WWC1: variants seen among roughly 807,000 people sequenced by gnomAD.
WWC1 encodes WW and C2 domain containing 1.
WWC1 carries 55 observed loss-of-function variants against 138.4 expected under a neutral mutation model. That is an observed-to-expected ratio of 0.40 (90% CI 0.32 to 0.50). The LOEUF is 0.50. Among genes scored for constraint, WWC1 ranks in the 20% least tolerant of loss-of-function variants. WWC1 has a pLI of 0.72. For synonymous variants in WWC1, 524 were observed against 564.9 expected (o/e 0.93, Z 1.03); for missense variants, 1,226 against 1,420.4 (o/e 0.86, Z 2.20).
At chr5:168,366,480 C>A (rs1247684336) in intron 1 of WWC1, among the ~76,000 whole-genome samples, 1 of 152,186 alleles carries the variant, frequency 6.6e-6, no homozygotes, top group Non-Finnish European at 1.5e-5. Flanking sequence ...TTTCTCTCTC[C>A]TTTGCCCTCT....
chr5:168,387,978 C>G (rs759628829), intron 3 of WWC1, among the ~76,000 whole-genome samples: 53 of 152,008 alleles, frequency 3.5e-4, no homozygotes, highest in Non-Finnish European at 6.8e-4. Context: ...AAAAACAAAC[C>G]TTTGTATTTT....
At chr5:168,345,866 G>C (rs1774424226) in intron 1 of WWC1, among the ~76,000 whole-genome samples, 1 of 152,170 alleles carries the variant, frequency 6.6e-6, no homozygotes, top group Admixed American at 6.5e-5. Context: ...GATTAAGAGA[G>C]CAAGCTGTGG....
At chr5:168,414,804 C>CT (rs2152843960) in intron 9 of WWC1, 1 of 665,736 alleles carries the variant, frequency 1.5e-6, no homozygotes, top group Non-Finnish European at 2.4e-6. Flanking sequence ...CATGGTGAAT[C>CT]ATGCTACCAA....
At chr5:168,446,021 A>T (rs1172626216) in intron 17 of WWC1, among the ~76,000 whole-genome samples, 2 of 152,272 alleles carry the variant, frequency 1.3e-5, no homozygotes, top group East Asian at 3.9e-4. Context: ...AGCCTGCCTA[A>T]CTGCAAAGGA....
In WWC1 at chr5:168,443,675, A is replaced by G. The variant is rs1035179613; in HGVS notation, c.2434-819A>G. Among the ~76,000 whole-genome samples the G allele has an allele frequency of 5.3e-5, 8 of 152,220 alleles. No individual in the cohort carries two copies. In the East Asian group the frequency reaches 1.2e-3, roughly 22 times the overall value. On this transcript the variant is annotated intron_variant, in intron 16 of 22. Transcript: ENST00000265293. Reference sequence around the variant, plus strand: ...TTAAATAAGATGCTACACATAAACCATCTTTCACAGTGCCTGCTATATACC... The same window carrying G: ...TTAAATAAGATGCTACACATAAACCGTCTTTCACAGTGCCTGCTATATACC...
chr5:168,450,318 G>C (rs573758563), intron 17 of WWC1, among the ~76,000 whole-genome samples: 11 of 152,138 alleles, frequency 7.2e-5, no homozygotes, highest in African/African-American at 2.7e-4. Context: ...AATGGTGTTG[G>C]AACAATTAGA....
chr5:168,302,498 AC>A (rs1770179692), intron 1 of WWC1, among the ~76,000 whole-genome samples: 1 of 152,100 alleles, frequency 6.6e-6, no homozygotes, highest in Non-Finnish European at 1.5e-5. Flanking sequence ...ACCTGGTGAC[AC>A]CTGTCGACAG....
At chr5:168,392,490 C>T (rs1468595252) in intron 3 of WWC1, among the ~76,000 whole-genome samples, 1 of 152,130 alleles carries the variant, frequency 6.6e-6, no homozygotes, top group African/African-American at 2.4e-5. Context: ...AGTTTAAGAC[C>T]AGCCTGGGCA....
At chr5:168,455,561 G>A in intron 19 of WWC1, 41 bp downstream of exon 19, 1 of 1,592,774 alleles carries the variant, frequency 6.3e-7, no homozygotes. Flanking sequence ...CCTCAGGGTA[G>A]CCGAGAGCTT....
Position 168,292,174 on chromosome 5 carries a change from C to T in WWC1, c.22C>T (p.Leu8=). Residue 8 remains leucine (L), a synonymous_variant, in exon 1 of 23, where the codon CTG becomes TTG. Transcript: ENST00000265293. This position sits in a 1 kb window ranked among gnomAD's most constrained non-coding sequence, Gnocchi z 4.4. MPRPELP[L]PEGWEEARDF... is the part of the protein sequence containing the mutation. Reference sequence around the variant, plus strand: ...GAAGATGCCCCGGCCGGAGCTGCCCCTGCCGGAGGGCTGGGAGGAGGCGCG... The same window carrying T: ...GAAGATGCCCCGGCCGGAGCTGCCCTTGCCGGAGGGCTGGGAGGAGGCGCG... 1 of 1,547,496 alleles carries T rather than the reference C, an allele frequency of 6.5e-7. No individual in the cohort carries two copies.
At position 168,467,964 on chromosome 5, in the gene WWC1, G is replaced by A. The variant is rs780527419; in HGVS notation, c.3275G>A (p.Arg1092Lys). The A allele has an allele frequency of 1.9e-6, 3 of 1,614,140 alleles. No homozygotes were observed. The highest frequency in any genetic ancestry group is 2.5e-6 in the Non-Finnish European group (3 of 1,179,972). ...CKEPPEVQSF[R>K]EKMAFFTRPR... is the part of the protein sequence containing the mutation. The stretch of plus-strand genomic sequence containing the variant: ...GAACCCCCAGAAGTTCAGTCTTTCA[G>A]GTAAGCAGAGGGCCCCGGCAGCCCC... The change falls in exon 22 of 23, where the codon AGG (arginine) becomes AAG (lysine). Residue 1092 changes from arginine to lysine, a missense_variant and splice_region_variant. By Grantham distance (26) the Arg-to-Lys change is conservative. Coordinates refer to ENST00000265293, the MANE Select transcript of WWC1 (RefSeq NM_015238.3).
chr5:168,311,192 C>G (rs1771040502), intron 1 of WWC1, among the ~76,000 whole-genome samples: 2 of 152,190 alleles, frequency 1.3e-5, no homozygotes, highest in Admixed American at 1.3e-4. Flanking sequence ...CAGGCAGCAC[C>G]TAGTGCCTCC....
At chr5:168,440,076 C>T (rs1754612482) in intron 15 of WWC1, among the ~76,000 whole-genome samples, 1 of 152,060 alleles carries the variant, frequency 6.6e-6, no homozygotes, top group African/African-American at 2.4e-5. Context: ...GAACCTAGTG[C>T]TTAATATAAG....
chr5:168,354,109 G>T (rs1250455416), intron 1 of WWC1, among the ~76,000 whole-genome samples: 1 of 151,500 alleles, frequency 6.6e-6, no homozygotes, highest in African/African-American at 2.4e-5. Context: ...GGAGTGCAGT[G>T]GTGTGATCTC....
intron 1 of WWC1, among the ~76,000 whole-genome samples, chr5:168,302,713 C>G (rs1027511354): frequency 2.6e-5 from 4 of 152,172 alleles, no homozygotes; most frequent in African/African-American, 9.7e-5. Flanking sequence ...AAATACCAGG[C>G]TCTCTGAGTC....
chr5:168,432,383 G>T (rs75017856), intron 15 of WWC1, among the ~76,000 whole-genome samples: 2,882 of 152,280 alleles, frequency 0.019, 86 homozygotes, highest in African/African-American at 0.066. Flanking sequence ...CAGGACTGGG[G>T]ATGAAGTAGC....
chr5:168,402,458 G>A (rs1014840925), intron 5 of WWC1, among the ~76,000 whole-genome samples: 2 of 152,154 alleles, frequency 1.3e-5, no homozygotes, highest in Non-Finnish European at 2.9e-5. Flanking sequence ...GTGTGGTAAT[G>A]CCTGGCATGA....
At chr5:168,417,650 G>T (rs945270770) in intron 9 of WWC1, among the ~76,000 whole-genome samples, 2 of 152,212 alleles carry the variant, frequency 1.3e-5, no homozygotes, top group African/African-American at 4.8e-5. Context: ...TCAAAGGTCT[G>T]CTGGCTCCTC....
At chr5:168,299,427 G>A (rs1181553880) in intron 1 of WWC1, among the ~76,000 whole-genome samples, 1 of 152,168 alleles carries the variant, frequency 6.6e-6, no homozygotes, top group East Asian at 1.9e-4. Flanking sequence ...CCAGAGCTTT[G>A]GGGATGGGAG....
Sources: allele counts gnomAD v4.1 joint callset (sites outside exome capture counted in the v4.1 genomes callset), GRCh38; gene constraint gnomAD v4.1.1; non-coding constraint Gnocchi (gnomAD v3.1); transcripts MANE v1.5; gene names NCBI Gene and HGNC (gene_info 2026-07-23, HGNC 2026-07-21).